Variants in QKI observed in about 807,000 individuals in gnomAD.
QKI encodes the protein QKI, KH domain containing RNA binding, also known as KH domain-containing RNA-binding protein QKI.
QKI carries 10 observed loss-of-function variants against 39.0 expected under a neutral mutation model. The observed-to-expected ratio is 0.26, with a 90% CI of 0.16 to 0.43. The LOEUF (loss-of-function observed/expected upper bound fraction) is 0.43, where lower values mean the gene tolerates loss of function less well. Ranked by LOEUF, QKI falls within the 20% of genes least tolerant of loss-of-function variation. The probability of loss-of-function intolerance (pLI) is 1.00; values close to 1 mark genes in which losing one functional copy is unlikely to be tolerated. For missense variants in QKI, 218 were observed against 428.0 expected (o/e 0.51, Z 4.33); for synonymous variants, 204 against 155.4 (o/e 1.31, Z -2.33).
chr6:163,549,216 A>G (rs1782076256), intron 4 of QKI, among the ~76,000 whole-genome samples: 1 of 151,204 alleles, frequency 6.6e-6, no homozygotes, highest in African/African-American at 2.4e-5. Context: ...GAGGGGGGGG[A>G]CATGAGGTTG....
At chr6:163,424,672 C>G (rs1219126526) in intron 1 of QKI, among the ~76,000 whole-genome samples, 1 of 149,086 alleles carries the variant, frequency 6.7e-6, no homozygotes, top group Admixed American at 6.7e-5. Flanking sequence ...TTGTGTGAGT[C>G]TTTCTCTGTT....
chr6:163,568,538 C>A (rs1783515034), intron 7 of QKI: 1 of 981,076 alleles, frequency 1.0e-6, no homozygotes, highest in South Asian at 4.7e-5. Context: ...ATACTTATCA[C>A]TGTATGCACT....
intron 3 of QKI, among the ~76,000 whole-genome samples, chr6:163,499,266 GT>G (rs1778599456): frequency 6.6e-6 from 1 of 151,996 alleles, no homozygotes; most frequent in African/African-American, 2.4e-5. Flanking sequence ...ACTTCTATTC[GT>G]GTTTACCTAC....
intron 1 of QKI, among the ~76,000 whole-genome samples, chr6:163,439,569 T>G (rs1400233700): frequency 4.0e-5 from 6 of 151,538 alleles, no homozygotes; most frequent in African/African-American, 1.5e-4. Context: ...GGCCAGGCTG[T>G]TCTCAAACTG....
Position 163,418,387 on chromosome 6 carries a change from GT to G in QKI, c.142+3056del, listed in dbSNP as rs561596911. Among the ~76,000 whole-genome samples, 433 of 152,244 alleles carry G rather than the reference GT, an allele frequency of 2.8e-3. 2 individuals carry two copies. Among genetic ancestry groups the G allele is most frequent in the African/African-American group, 9.7e-3 (401 of 41,544 alleles). On this transcript the variant is annotated intron_variant, in intron 1 of 7. Transcript: ENST00000361752. ...TTTCCCAGTTGATGAAGACTTGGAT[GT>G]TTTAGAATGAGTATTTTAATTCCTT...
At chr6:163,465,127 G>T (rs560681385) in intron 2 of QKI, among the ~76,000 whole-genome samples, 3 of 152,112 alleles carry the variant, frequency 2.0e-5, no homozygotes, top group African/African-American at 7.2e-5. Flanking sequence ...TTGACAAAAT[G>T]TAACATCCTT....
At chr6:163,481,239 GTA>G (rs933633215) in intron 3 of QKI, among the ~76,000 whole-genome samples, 27 of 151,426 alleles carry the variant, frequency 1.8e-4, no homozygotes, top group African/African-American at 5.3e-4. Context: ...AGACATGTGT[GTA>G]TATATATATA....
chr6:163,554,198 G>A (rs1287490253), intron 4 of QKI, among the ~76,000 whole-genome samples: 1 of 152,150 alleles, frequency 6.6e-6, no homozygotes, highest in African/African-American at 2.4e-5. Context: ...TGGTTCTAGA[G>A]GTGCTGGGAA....
At chr6:163,507,596 A>C (rs1779176258) in intron 3 of QKI, among the ~76,000 whole-genome samples, 1 of 152,202 alleles carries the variant, frequency 6.6e-6, no homozygotes, top group African/African-American at 2.4e-5. Flanking sequence ...CCCAAATTGT[A>C]GCTGACCCCA....
At chr6:163,546,375 T>C (rs1781875600) in intron 4 of QKI, among the ~76,000 whole-genome samples, 1 of 151,958 alleles carries the variant, frequency 6.6e-6, no homozygotes, top group South Asian at 2.1e-4. Context: ...CTTGAATTAG[T>C]AAAAACATTA....
chr6:163,566,651 C>T, intron 6 of QKI, 70 bp from the exon 7 acceptor site: 1 of 1,580,090 alleles, frequency 6.3e-7, no homozygotes, highest in Admixed American at 1.8e-5. Context: ...TTTGATAAAC[C>T]TGCTGTTAAT....
intron 2 of QKI, among the ~76,000 whole-genome samples, chr6:163,462,592 G>T (rs951167828): frequency 6.6e-6 from 1 of 152,058 alleles, no homozygotes; most frequent in African/African-American, 2.4e-5. Context: ...CCATGTTAAG[G>T]ACAGATTAAA....
chr6:163,484,775 C>G (rs753963306), intron 3 of QKI, among the ~76,000 whole-genome samples: 2 of 152,054 alleles, frequency 1.3e-5, no homozygotes, highest in East Asian at 3.9e-4. Flanking sequence ...GTAGTAATTT[C>G]AAAGATTACT....
intron 1 of QKI, among the ~76,000 whole-genome samples, chr6:163,441,892 G>A (rs1789785640): frequency 6.6e-6 from 1 of 152,224 alleles, no homozygotes. Context: ...AGGGCAAGGG[G>A]AGCCTGTGTG....
At chr6:163,555,829 T>C (rs1159458690) in intron 4 of QKI, among the ~76,000 whole-genome samples, 1 of 151,944 alleles carries the variant, frequency 6.6e-6, no homozygotes, top group Non-Finnish European at 1.5e-5. Context: ...TACTTTGTTG[T>C]AGTTTTTTTT....
chr6:163,437,136 T>C (rs1005176779), intron 1 of QKI, among the ~76,000 whole-genome samples: 2 of 152,226 alleles, frequency 1.3e-5, no homozygotes, highest in African/African-American at 4.8e-5. Context: ...AGAGAGATGA[T>C]GTAGTTTAAT....
intron 4 of QKI, among the ~76,000 whole-genome samples, chr6:163,541,600 G>A (rs1214202177): frequency 6.7e-6 from 1 of 149,920 alleles, no homozygotes; most frequent in African/African-American, 2.5e-5. Context: ...GTGTGTTCTT[G>A]ATGGCACTGA....
intron 2 of QKI, among the ~76,000 whole-genome samples, chr6:163,476,561 G>A (rs1025724592): frequency 2.0e-5 from 3 of 152,180 alleles, no homozygotes; most frequent in Non-Finnish European, 4.4e-5. Context: ...CTTTTCGTGG[G>A]TTATTTCAAT....
At chr6:163,560,585 G>A (rs1485590974) in intron 4 of QKI, among the ~76,000 whole-genome samples, 1 of 152,154 alleles carries the variant, frequency 6.6e-6, no homozygotes, top group African/African-American at 2.4e-5. Context: ...GCACAGAGAT[G>A]AATGGTGGAG....
Sources: allele counts gnomAD v4.1 joint callset (sites outside exome capture counted in the v4.1 genomes callset), GRCh38; gene constraint gnomAD v4.1.1; transcripts MANE v1.5; gene names NCBI Gene and HGNC (gene_info 2026-07-23, HGNC 2026-07-21).